The following SCN8A variants were observed in gnomAD, a reference collection of about 807,000 sequenced individuals.
SCN8A encodes sodium voltage-gated channel alpha subunit 8, also known as sodium channel protein type 8 subunit alpha.
In SCN8A, 30 loss-of-function variants were observed where a neutral mutation model predicts 184.1. That is an observed-to-expected ratio of 0.16 (90% CI 0.12 to 0.22). The LOEUF (loss-of-function observed/expected upper bound fraction) is 0.22, where lower values mean the gene tolerates loss of function less well. Ranked by LOEUF, SCN8A falls within the 10% of genes least tolerant of loss-of-function variation. The probability of loss-of-function intolerance (pLI) is 1.00; values close to 1 mark genes in which losing one functional copy is unlikely to be tolerated. For missense variants in SCN8A, 1,057 were observed against 2,498.9 expected (o/e 0.42, Z 12.30); for synonymous variants, 852 against 907.0 (o/e 0.94, Z 1.09).
At chr12:51,787,545 C>G (rs1023800046) in intron 22 of SCN8A, among the ~76,000 whole-genome samples, 1 of 152,208 alleles carries the variant, frequency 6.6e-6, no homozygotes, top group Non-Finnish European at 1.5e-5. Flanking sequence ...CTCTCTGATT[C>G]TCTGTTTCTT....
At chr12:51,790,370 T>C (rs748574361) in intron 24 of SCN8A, 28 bp from the exon 25 acceptor site, 1 of 1,524,886 alleles carries the variant, frequency 6.6e-7, no homozygotes, top group Non-Finnish European at 9.0e-7. Context: ...CCAGTTGTAA[T>C]TGTCTGTTTT....
At chr12:51,702,049 C>T (rs1941698836) in intron 8 of SCN8A, among the ~76,000 whole-genome samples, 2 of 151,956 alleles carry the variant, frequency 1.3e-5, no homozygotes, top group South Asian at 2.1e-4. Context: ...TCTGGCCAGG[C>T]GCGGTGGCTC....
At chr12:51,790,977 G>A (rs1262045266) in intron 25 of SCN8A, among the ~76,000 whole-genome samples, 1 of 152,182 alleles carries the variant, frequency 6.6e-6, no homozygotes, top group Non-Finnish European at 1.5e-5. Flanking sequence ...AACTATGGGA[G>A]TCTGGTGCCC....
chr12:51,688,990 C>T lies in SCN8A; in HGVS notation c.615-15C>T, dbSNP rs1470677470. ...GTTTGTCACTTGTGTCTGTGTGTGA[C>T]CTCCCTTACTACAGATATGTGACAG... On this transcript the variant is annotated splice_polypyrimidine_tract_variant and intron_variant, in intron 5 of 26. Transcript: ENST00000627620. The T allele has an allele frequency of 6.2e-7, 1 of 1,608,156 alleles. No homozygotes were observed.
chr12:51,735,702 T>C (rs1942313651), intron 12 of SCN8A, among the ~76,000 whole-genome samples: 1 of 152,160 alleles, frequency 6.6e-6, no homozygotes, highest in Admixed American at 6.5e-5. Flanking sequence ...CTCGTAACTG[T>C]TGGGGTCCTC....
In SCN8A at chr12:51,641,174, T is replaced by C. The variant is rs142761397; in HGVS notation, c.-54-21590T>C. On this transcript the variant is annotated intron_variant, in intron 1 of 26. Transcript: ENST00000627620. ...AACTACTTACATAGCATTTACATCATATTAGGTATTATAAGGAATCTAGAG... is the reference window on the plus strand; with the variant it reads ...AACTACTTACATAGCATTTACATCACATTAGGTATTATAAGGAATCTAGAG... Among the ~76,000 whole-genome samples, 1,453 of 152,306 alleles carry C rather than the reference T, an allele frequency of 9.5e-3. 20 individuals are homozygous for C. The highest frequency in any genetic ancestry group is 0.032 in the African/African-American group (1,315 of 41,556).
intron 20 of SCN8A, among the ~76,000 whole-genome samples, chr12:51,774,821 A>G (rs937862761): frequency 1.3e-5 from 2 of 152,084 alleles, no homozygotes; most frequent in Non-Finnish European, 2.9e-5. Flanking sequence ...CTTCCATCCA[A>G]CTCAAGTCTT....
At chr12:51,691,116 C>A (rs1160924080) in intron 6 of SCN8A, among the ~76,000 whole-genome samples, 1 of 152,056 alleles carries the variant, frequency 6.6e-6, no homozygotes, top group Non-Finnish European at 1.5e-5. Context: ...TTCCTTTTTC[C>A]TATGGTGTCT....
At chr12:51,724,278 C>T (rs543355814) in intron 12 of SCN8A, among the ~76,000 whole-genome samples, 1 of 152,238 alleles carries the variant, frequency 6.6e-6, no homozygotes, top group South Asian at 2.1e-4. Flanking sequence ...AAACCTCCAT[C>T]TCTACTAAAA....
At chr12:51,721,106 T>TATAA (rs1179556945) in intron 11 of SCN8A, among the ~76,000 whole-genome samples, 1 of 106,132 alleles carries the variant, frequency 9.4e-6, no homozygotes, top group African/African-American at 3.9e-5. Flanking sequence ...TATATATATA[T>TATAA]AATATTTATT....
chr12:51,618,458 A>AACACACACACAC (rs56163627), intron 1 of SCN8A, among the ~76,000 whole-genome samples: 14 of 138,940 alleles, frequency 1.0e-4, no homozygotes, highest in African/African-American at 3.6e-4. Context: ...ATACCAGAGC[A>AACACACACACAC]ACACACACAC....
At chr12:51,789,152 A>G (rs1938172469) in intron 23 of SCN8A, 129 bp from the exon 24 acceptor site, 2 of 967,876 alleles carry the variant, frequency 2.1e-6, no homozygotes, top group Non-Finnish European at 3.1e-6. Flanking sequence ...GGCAGGCAGA[A>G]AGAATCTAGG....
At position 51,751,307 on chromosome 12, in the gene SCN8A, G is replaced by T. The variant is rs371064538; in HGVS notation, c.2132-48G>T. Reference sequence around the variant, plus strand: ...TGAGAGTGAGTAGTGTGTCCCCCTGGTTTTCTTGCTGTGATTGAGGGGCCA... The same window carrying T: ...TGAGAGTGAGTAGTGTGTCCCCCTGTTTTTCTTGCTGTGATTGAGGGGCCA... On this transcript the variant is annotated intron_variant, in intron 13 of 26. Transcript: ENST00000627620. 8.6e-6 allele frequency: 11 copies of T among 1,284,170 alleles called. No homozygotes were observed. In the African/African-American group the frequency reaches 1.3e-4, roughly 15 times the overall value. 79.5% of individuals were successfully genotyped at this position (1,284,170 alleles called of 1,614,324 possible).
intron 11 of SCN8A, among the ~76,000 whole-genome samples, chr12:51,714,363 A>ATTTTC (rs1941931667): frequency 6.6e-6 from 1 of 151,404 alleles, no homozygotes; most frequent in Non-Finnish European, 1.5e-5. Flanking sequence ...TCATTTGAGA[A>ATTTTC]ATTTCCTGAG....
chr12:51,630,278 T>C (rs1017366960), intron 1 of SCN8A, among the ~76,000 whole-genome samples: 4 of 152,028 alleles, frequency 2.6e-5, no homozygotes, highest in Non-Finnish European at 4.4e-5. Flanking sequence ...CATTCCCTGC[T>C]CCCAAGCCTC....
chr12:51,714,762 G>C (rs2138767379), intron 11 of SCN8A, among the ~76,000 whole-genome samples: 1 of 152,316 alleles, frequency 6.6e-6, no homozygotes, highest in South Asian at 2.1e-4. Context: ...GATCCCTAGA[G>C]ATAATTTTTC....
At chr12:51,704,228 T>C (rs1447221986) in intron 9 of SCN8A, among the ~76,000 whole-genome samples, 2 of 151,964 alleles carry the variant, frequency 1.3e-5, no homozygotes, top group Non-Finnish European at 2.9e-5. Flanking sequence ...AGATGAAAAC[T>C]GTGTAATAGT....
At chr12:51,787,476 A>G (rs184102466) in intron 22 of SCN8A, among the ~76,000 whole-genome samples, 14 of 152,328 alleles carry the variant, frequency 9.2e-5, no homozygotes, top group African/African-American at 3.4e-4. Context: ...TTAGACTGTT[A>G]TAGATTTGAA....
At chr12:51,692,846 A>T (rs1356023873) in intron 6 of SCN8A, among the ~76,000 whole-genome samples, 1 of 152,190 alleles carries the variant, frequency 6.6e-6, no homozygotes, top group African/African-American at 2.4e-5. Context: ...ATTTAATAGT[A>T]TAAGTACTAA....
Sources: allele counts gnomAD v4.1 joint callset (sites outside exome capture counted in the v4.1 genomes callset), GRCh38; gene constraint gnomAD v4.1.1; transcripts MANE v1.5; gene names NCBI Gene and HGNC (gene_info 2026-07-23, HGNC 2026-07-21).